Variants in RAI14 observed in about 807,000 individuals in gnomAD.
RAI14 encodes ankycorbin.
RAI14 carries 45 observed loss-of-function variants against 115.4 expected under a neutral mutation model. The ratio of observed to expected loss-of-function variants is 0.39; its 90% CI spans 0.31 to 0.50. The LOEUF (loss-of-function observed/expected upper bound fraction) is 0.50. Ranked by LOEUF, RAI14 falls within the 20% of genes least tolerant of loss-of-function variation. The pLI is 0.85. For missense variants in RAI14, 939 were observed against 1,131.2 expected, an observed-to-expected ratio of 0.83 and a Z score of 2.44; for synonymous variants, 371 against 415.4, an observed-to-expected ratio of 0.89 and a Z score of 1.30.
At chr5:34,792,139 A>G (rs1284882927) in intron 3 of RAI14, among the ~76,000 whole-genome samples, 2 of 152,138 alleles carry the variant, frequency 1.3e-5, no homozygotes, top group East Asian at 3.9e-4. Context: ...GATGATACAC[A>G]GTGGAGCTCC....
In RAI14 at chr5:34,665,198, T is replaced by TATATATACACACAC. The variant is rs369742853; in HGVS notation, c.-49+8724_-49+8725insTATATACACACACA. Among the ~76,000 whole-genome samples, 43 of 75,710 alleles carry TATATATACACACAC rather than the reference T, an allele frequency of 5.7e-4. 11 individuals carry two copies. Among genetic ancestry groups the TATATATACACACAC allele is most frequent in the Middle Eastern group, 8.3e-3 (1 of 120 alleles). 49.7% of individuals were successfully genotyped at this position (75,710 alleles called of 152,430 possible). A position where few individuals can be genotyped will look rare whatever the true frequency, so the allele number is the denominator to read the frequency against. ...ACACACATATATATATGTATATATA[T>TATATATACACACAC]ACACACACCACAGTTTCTTTATCCA... is the stretch of plus-strand genomic sequence containing the variant. On this transcript the variant is annotated intron_variant, in intron 1 of 17. Transcript: ENST00000265109.
At chr5:34,755,578 A>G (rs1422901969) in intron 2 of RAI14, among the ~76,000 whole-genome samples, 1 of 152,170 alleles carries the variant, frequency 6.6e-6, no homozygotes, top group Non-Finnish European at 1.5e-5. Context: ...GCATTTGTGC[A>G]TTGTAGGACT....
chr5:34,731,449 T>C (rs978609671), intron 2 of RAI14, among the ~76,000 whole-genome samples: 1 of 152,230 alleles, frequency 6.6e-6, no homozygotes, highest in Non-Finnish European at 1.5e-5. Flanking sequence ...CTATTAAACA[T>C]CTGTGTATTT....
At chr5:34,802,498 G>C (rs1754389796) in intron 4 of RAI14, among the ~76,000 whole-genome samples, 1 of 152,116 alleles carries the variant, frequency 6.6e-6, no homozygotes. Flanking sequence ...CAGGTCCTCT[G>C]CTCTGACCCT....
chr5:34,734,939 G>A (rs1039468075), intron 2 of RAI14, among the ~76,000 whole-genome samples: 8 of 152,152 alleles, frequency 5.3e-5, no homozygotes, highest in Non-Finnish European at 8.8e-5. Context: ...GATTACAGGT[G>A]TGAGCCACCA....
At chr5:34,668,985 T>TA (rs1743425384) in intron 1 of RAI14, among the ~76,000 whole-genome samples, 1 of 152,134 alleles carries the variant, frequency 6.6e-6, no homozygotes, top group Admixed American at 6.6e-5. Flanking sequence ...GCCTCCTGAG[T>TA]AGCTGGGACT....
At chr5:34,662,084 C>T (rs559039309) in intron 1 of RAI14, among the ~76,000 whole-genome samples, 70 of 152,286 alleles carry the variant, frequency 4.6e-4, no homozygotes, top group African/African-American at 1.6e-3. Flanking sequence ...CCACTGCCCC[C>T]GGTCCACACT....
chr5:34,690,416 G>T (rs1428211465), intron 2 of RAI14, among the ~76,000 whole-genome samples: 1 of 152,184 alleles, frequency 6.6e-6, no homozygotes, highest in Non-Finnish European at 1.5e-5. Context: ...TGGTGTGATC[G>T]CATTTCAGCC....
chr5:34,718,141 A>T (rs1229578998), intron 2 of RAI14, among the ~76,000 whole-genome samples: 1 of 152,220 alleles, frequency 6.6e-6, no homozygotes, highest in Non-Finnish European at 1.5e-5. Context: ...CGATGGGAAC[A>T]ACAGCTAGCA....
intron 3 of RAI14, among the ~76,000 whole-genome samples, chr5:34,770,767 G>C (rs1315484547): frequency 6.6e-6 from 1 of 152,148 alleles, no homozygotes; most frequent in Non-Finnish European, 1.5e-5. Context: ...AGGACACTGC[G>C]TGTAGAGCCT....
At chr5:34,771,285 C>A (rs1226088454) in intron 3 of RAI14, among the ~76,000 whole-genome samples, 1 of 152,090 alleles carries the variant, frequency 6.6e-6, no homozygotes, top group Non-Finnish European at 1.5e-5. Context: ...ATGGTCATTT[C>A]TTTGTGTGAG....
At chr5:34,830,120 G>A (rs1269928703) in intron 17 of RAI14, among the ~76,000 whole-genome samples, 1 of 152,088 alleles carries the variant, frequency 6.6e-6, no homozygotes, top group Non-Finnish European at 1.5e-5. Context: ...AAGTAGGTGG[G>A]ATTACAGGTA....
rs1160459580 is a variant in RAI14, at chr5:34,656,391, C to T, written c.-133C>T. 6.6e-6 allele frequency: 1 copy of T among 152,136 alleles called. No homozygotes were observed. Among genetic ancestry groups the T allele is most frequent in the Non-Finnish European group, 1.5e-5 (1 of 68,046 alleles). The allele number at this position is 152,136 out of a possible 1,614,324, so 9.4% of individuals were successfully genotyped here. ...GCAGGAAGCCGAGCAGGAAGCGAGC[C>T]CGGCGGCCGCGTTTTCCTGGGGAAG... is the stretch of plus-strand genomic sequence containing the variant. On this transcript the variant is annotated 5_prime_UTR_variant, in exon 1 of 18. Transcript: ENST00000265109.
chr5:34,687,116 A>C (rs928092674), intron 2 of RAI14, among the ~76,000 whole-genome samples, 161 bp downstream of exon 2: 3 of 152,178 alleles, frequency 2.0e-5, no homozygotes, highest in African/African-American at 7.2e-5. Context: ...GGCATGCTCT[A>C]GGTTCCTTGC....
Position 34,823,005 on chromosome 5 carries a change from A to C in RAI14, c.1163A>C (p.His388Pro). Residue 388 changes from histidine (H) to proline (P), a missense_variant, in exon 15 of 18, where the codon CAT becomes CCT. His to Pro is a moderately conservative substitution (Grantham distance 77). Coordinates refer to ENST00000265109, the MANE Select transcript of RAI14 (RefSeq NM_015577.3). The surrounding 1 kb of genome is among the most constrained non-coding windows in gnomAD (Gnocchi z 4.5). ...AEADLSFDSYHSTQTDLGPSL... is the reference protein window; with the variant it reads ...AEADLSFDSYPSTQTDLGPSL... The stretch of plus-strand genomic sequence containing the variant: ...GCAGACCTAAGCTTTGACTCATACC[A>C]TTCCACCCAAACTGACTTGGGCCCA... The C allele has an allele frequency of 6.2e-7, 1 of 1,613,844 alleles. No homozygotes were observed. The highest frequency in any genetic ancestry group is 8.5e-7 in the Non-Finnish European group (1 of 1,179,968).
At chr5:34,723,099 CAAAA>C (rs34763264) in intron 2 of RAI14, among the ~76,000 whole-genome samples, 1 of 85,658 alleles carries the variant, frequency 1.2e-5, no homozygotes, top group African/African-American at 4.1e-5. Flanking sequence ...GACCCTGTCT[CAAAA>C]AAAAAAAAAA....
chr5:34,686,769 A>G (rs1260918100), intron 1 of RAI14, 103 bp from the exon 2 acceptor site: 5 of 586,652 alleles, frequency 8.5e-6, no homozygotes, highest in South Asian at 6.6e-5. Context: ...CACCTTCCCA[A>G]CGCAACCCTG....
chr5:34,777,739 A>G (rs1355130558), intron 3 of RAI14, among the ~76,000 whole-genome samples: 1 of 152,186 alleles, frequency 6.6e-6, no homozygotes, highest in Non-Finnish European at 1.5e-5. Flanking sequence ...AGATCGTGCT[A>G]TTGCACTCCA....
chr5:34,662,602 A>G (rs1213674121), intron 1 of RAI14, among the ~76,000 whole-genome samples: 1 of 152,156 alleles, frequency 6.6e-6, no homozygotes, highest in Non-Finnish European at 1.5e-5. Context: ...ATCCTCTGTA[A>G]TAAAATGATA....
Sources: gnomAD v4.1 joint callset for allele counts (sites outside exome capture counted in the v4.1 genomes callset) on GRCh38, gnomAD v4.1.1 for gene constraint, Gnocchi (gnomAD v3.1) non-coding constraint, MANE v1.5 for transcripts, NCBI Gene and HGNC (gene_info 2026-07-23, HGNC 2026-07-21) for gene names.